Variants in NDUFAF5 observed in about 807,000 individuals in gnomAD.
NDUFAF5 encodes the protein arginine-hydroxylase NDUFAF5, mitochondrial.
NDUFAF5 carries 34 observed loss-of-function variants against 48.9 expected under a neutral mutation model. The ratio of observed to expected loss-of-function variants is 0.70; its 90% CI spans 0.53 to 0.93. NDUFAF5 has a LOEUF of 0.93. NDUFAF5 is among the 40% of genes least tolerant of loss of function. The probability of loss-of-function intolerance (pLI) is 0.00; values close to 1 mark genes in which losing one functional copy is unlikely to be tolerated. For synonymous variants in NDUFAF5, 153 were observed against 150.6 expected, an observed-to-expected ratio of 1.02 and a Z score of -0.12; for missense variants, 428 against 427.5, an observed-to-expected ratio of 1.00 and a Z score of -0.01.
At chr20:13,799,993 T>C (rs1450618279) in intron 6 of NDUFAF5, among the ~76,000 whole-genome samples, 2 of 152,072 alleles carry the variant, frequency 1.3e-5, no homozygotes, top group African/African-American at 2.4e-5. Context: ...AATAGAAATA[T>C]GGCAGTTGGA....
intron 6 of NDUFAF5, among the ~76,000 whole-genome samples, chr20:13,800,273 G>A (rs577807578): frequency 6.6e-6 from 1 of 152,252 alleles, no homozygotes; most frequent in South Asian, 2.1e-4. Flanking sequence ...GATGACAGGA[G>A]GAGGAAGCAA....
chr20:13,804,805 C>T (rs1226614884), intron 7 of NDUFAF5, among the ~76,000 whole-genome samples: 2 of 152,010 alleles, frequency 1.3e-5, no homozygotes, highest in Non-Finnish European at 2.9e-5. Context: ...AACAGAAATC[C>T]CTGCGTGGTG....
chr20:13,814,596 A>T lies in NDUFAF5; in HGVS notation c.779-1867A>T, dbSNP rs116436979. On this transcript the variant is annotated intron_variant, in intron 8 of 10. Coordinates refer to ENST00000378106, the MANE Select transcript of NDUFAF5 (RefSeq NM_024120.5). ...TAAATTAGGTTTATTTTTGATAAGC[A>T]GTTGAACTTCACCTTAAAAACACTG... is the stretch of plus-strand genomic sequence containing the variant. 1.8e-4 allele frequency: 122 copies of T among 690,540 alleles called. 1 individual carries two copies. In the African/African-American group the frequency reaches 2.2e-3, roughly 12 times the overall value. The allele number at this position is 690,540 out of a possible 1,614,324, so 42.8% of individuals were successfully genotyped here. A position where few individuals can be genotyped will look rare whatever the true frequency, so the allele number is the denominator to read the frequency against.
intron 8 of NDUFAF5, among the ~76,000 whole-genome samples, chr20:13,811,654 A>G (rs1985879298): frequency 6.6e-6 from 1 of 152,186 alleles, no homozygotes; most frequent in Non-Finnish European, 1.5e-5. Context: ...TTCAAGGAGT[A>G]AGAAGGATAC....
At chr20:13,816,812 T>C in intron 9 of NDUFAF5, 63 bp from the exon 10 acceptor site, 3 of 1,072,138 alleles carry the variant, frequency 2.8e-6, no homozygotes, top group Non-Finnish European at 4.4e-6. Flanking sequence ...ACATGACCTT[T>C]ATTGAGCAGA....
chr20:13,785,484 A>T (rs1469376065), intron 1 of NDUFAF5, among the ~76,000 whole-genome samples, 194 bp downstream of exon 1: 1 of 152,230 alleles, frequency 6.6e-6, no homozygotes, highest in Non-Finnish European at 1.5e-5. Flanking sequence ...TCATTCATTC[A>T]TGCATTCATT....
intron 9 of NDUFAF5, 145 bp downstream of exon 9, chr20:13,816,691 A>G: frequency 1.3e-6 from 1 of 784,452 alleles, no homozygotes; most frequent in Non-Finnish European, 2.2e-6. Context: ...CAGATCCTGT[A>G]GCTTTTTCCA....
chr20:13,801,443 A>G (rs1304380512), intron 6 of NDUFAF5, 43 bp from the exon 7 acceptor site: 2 of 1,252,600 alleles, frequency 1.6e-6, no homozygotes, highest in East Asian at 2.5e-5. Context: ...ACATTTATAT[A>G]TATAAAAATT....
chr20:13,808,525 G>T (rs1985401105), intron 7 of NDUFAF5, among the ~76,000 whole-genome samples: 1 of 152,168 alleles, frequency 6.6e-6, no homozygotes, highest in Admixed American at 6.5e-5. Context: ...TTTGTGTCCT[G>T]AAGGTTTTCA....
At position 13,785,160 on chromosome 20, in the gene NDUFAF5, C is replaced by T. The variant is rs375461797; in HGVS notation, c.92C>T (p.Ser31Phe). Residue 31 changes from serine (S) to phenylalanine (F), a missense_variant, in exon 1 of 11, where the codon TCT (serine) becomes TTT (phenylalanine). Coordinates refer to ENST00000378106, the MANE Select transcript of NDUFAF5 (RefSeq NM_024120.5). ...AENLGRREVT[S>F]GVSPRGSTSP... is the part of the protein sequence containing the mutation. ...AATCTTGGCCGTAGGGAAGTCACCTCTGGTGTCTCTCCCCGCGGTAGCACC... is the reference window on the plus strand; with the variant it reads ...AATCTTGGCCGTAGGGAAGTCACCTTTGGTGTCTCTCCCCGCGGTAGCACC... 5.2e-5 allele frequency: 84 copies of T among 1,613,900 alleles called. No individual in the cohort carries two copies. The highest frequency in any genetic ancestry group is 6.9e-5 in the Non-Finnish European group (82 of 1,179,984).
intron 8 of NDUFAF5, among the ~76,000 whole-genome samples, chr20:13,811,620 G>A (rs57317267): frequency 4.3e-4 from 65 of 152,194 alleles, no homozygotes; most frequent in African/African-American, 1.5e-3. Context: ...TAATAGGGTA[G>A]GGAAGTAATG....
chr20:13,789,444 C>T (rs1435554458), intron 3 of NDUFAF5, among the ~76,000 whole-genome samples: 1 of 150,432 alleles, frequency 6.6e-6, no homozygotes, highest in Non-Finnish European at 1.5e-5. Context: ...GGATGACAGG[C>T]GTGAGCTACT....
At position 13,817,749 on chromosome 20, in the gene NDUFAF5, GAAGAAAACATTTTAAAGA is replaced by G; in HGVS notation, c.*541_*558del. On this transcript the variant is annotated 3_prime_UTR_variant, in exon 11 of 11. Transcript: ENST00000378106. ...TTACACCCCACCCTACCTTAGGGAA[GAAGAAAACATTTTAAAGA>G]ATACCAGAAGTAGAATCACATGTAA... 1 of 454,050 alleles carries G rather than the reference GAAGAAAACATTTTAAAGA, an allele frequency of 2.2e-6. No homozygotes were observed. The highest frequency in any genetic ancestry group is 4.4e-6 in the Non-Finnish European group (1 of 226,772). The allele number at this position is 454,050 out of a possible 1,614,324, so 28.1% of individuals were successfully genotyped here.
intron 7 of NDUFAF5, among the ~76,000 whole-genome samples, chr20:13,808,604 G>A (rs1392809471): frequency 6.6e-6 from 1 of 152,134 alleles, no homozygotes; most frequent in East Asian, 1.9e-4. Flanking sequence ...TTCCCAAAGA[G>A]AGAACTAGAA....
intron 7 of NDUFAF5, among the ~76,000 whole-genome samples, chr20:13,805,550 C>T (rs1403281998): frequency 2.0e-5 from 3 of 152,014 alleles, no homozygotes; most frequent in African/African-American, 7.3e-5. Context: ...TAGAAAGTTG[C>T]TGATTTAATA....
chr20:13,813,862 C>T (rs150542437), intron 8 of NDUFAF5, among the ~76,000 whole-genome samples: 10 of 151,964 alleles, frequency 6.6e-5, no homozygotes, highest in East Asian at 1.9e-4. Flanking sequence ...GTATATAGAA[C>T]GGGGAGATGA....
At chr20:13,788,331 A>C (rs1209650670) in intron 2 of NDUFAF5, among the ~76,000 whole-genome samples, 1 of 152,124 alleles carries the variant, frequency 6.6e-6, no homozygotes, top group Non-Finnish European at 1.5e-5. Context: ...TCCTCATTAA[A>C]TCTGTTCTTC....
chr20:13,785,298 C>CGCGGCGCGGCGGGGCG lies in NDUFAF5; in HGVS notation c.222+12_222+13insCGCGGCGGGGCGGCGG, dbSNP rs780012738. The CGCGGCGCGGCGGGGCG allele has an allele frequency of 1.2e-4, 128 of 1,040,728 alleles. 1 individual carries two copies. In the South Asian group the frequency reaches 1.4e-3, roughly 11 times the overall value. 64.5% of individuals were successfully genotyped at this position (1,040,728 alleles called of 1,614,324 possible). ...GACTACCTGAAGGAGGAGGTGAGCC[C>CGCGGCGCGGCGGGGCG]GCGGGGCGGCGGGGCGGCGGGGCGG... On this transcript the variant is annotated intron_variant, in intron 1 of 10. Transcript: ENST00000378106.
chr20:13,807,111 A>T (rs1437931137), intron 7 of NDUFAF5, among the ~76,000 whole-genome samples: 1 of 148,514 alleles, frequency 6.7e-6, no homozygotes, highest in East Asian at 2.0e-4. Context: ...CCGTGGCGTG[A>T]TCTCGGCTCA....
Sources: gnomAD v4.1 joint callset for allele counts (sites outside exome capture counted in the v4.1 genomes callset) on GRCh38, gnomAD v4.1.1 for gene constraint, MANE v1.5 for transcripts, NCBI Gene and HGNC (gene_info 2026-07-23, HGNC 2026-07-21) for gene names.